PREX1: variants seen among roughly 807,000 people sequenced by gnomAD.
PREX1 encodes the protein phosphatidylinositol-3,4,5-trisphosphate dependent Rac exchange factor 1.
Under a neutral mutation model 198.3 loss-of-function variants are expected in PREX1, and 41 were observed. That is an observed-to-expected ratio of 0.21 (90% CI 0.16 to 0.27). PREX1 has a LOEUF of 0.27. Ranked by LOEUF, PREX1 falls within the 10% of genes least tolerant of loss-of-function variation. The pLI is 1.00. For synonymous variants in PREX1, 843 were observed against 887.2 expected (o/e 0.95, Z 0.89); for missense variants, 1,620 against 2,200.7 (o/e 0.74, Z 5.28).
the PREX1 span, among the ~76,000 whole-genome samples, chr20:48,854,468 G>A: frequency 6.6e-6 from 1 of 152,058 alleles, no homozygotes; most frequent in Non-Finnish European, 1.5e-5. Context: ...GGCTGAGGTG[G>A]GAGGATCACT....
chr20:48,708,242 C>A lies in PREX1; in HGVS notation c.783+18G>T. ...GGCCCCCTGCGGCCCAGGAAGCCCC[C>A]TCCTGTCCTGTACACACCTCCCAGC... On this transcript the variant is annotated intron_variant, in intron 6 of 39. Transcript: ENST00000371941. 6.2e-7 allele frequency: 1 copy of A among 1,613,168 alleles called. No individual in the cohort carries two copies. The highest frequency in any genetic ancestry group is 1.1e-5 in the South Asian group (1 of 91,064).
intron 5 of PREX1, among the ~76,000 whole-genome samples, chr20:48,713,872 A>AAAAAAAAAAAAAAAAAAAG: frequency 6.8e-6 from 1 of 147,724 alleles, no homozygotes; most frequent in Non-Finnish European, 1.5e-5. Flanking sequence ...AAAAAAAAAA[A>AAAAAAAAAAAAAAAAAAAG]AAAAGAAAAT....
intron 30 of PREX1, among the ~76,000 whole-genome samples, chr20:48,638,474 A>T (rs572322074): frequency 4.6e-5 from 7 of 152,362 alleles, no homozygotes; most frequent in African/African-American, 1.7e-4. Context: ...TCCTTAAAAA[A>T]GATGCTCCTC....
chr20:48,821,570 G>GA, intron 1 of PREX1: 1 of 152,306 alleles, frequency 6.6e-6, no homozygotes, highest in Non-Finnish European at 1.5e-5. Flanking sequence ...GTGTCTGTTG[G>GA]AAAAAAAGAA....
chr20:48,634,174 G>GGATGGATGGATGGA (rs1568791973), intron 33 of PREX1, among the ~76,000 whole-genome samples: 4 of 81,884 alleles, frequency 4.9e-5, no homozygotes, highest in East Asian at 2.6e-4. Flanking sequence ...ATGGATGGAT[G>GGATGGATGGATGGA]CATGGATGGA....
chr20:48,797,434 T>C (rs1055575282), intron 1 of PREX1, among the ~76,000 whole-genome samples: 2 of 143,662 alleles, frequency 1.4e-5, no homozygotes, highest in Admixed American at 7.6e-5. Flanking sequence ...CTGGGAACAA[T>C]ATCCCCTTTT....
At position 48,827,281 on chromosome 20, in the gene PREX1, A is replaced by G. The variant is rs1255291588; in HGVS notation, c.219+361T>C. On this transcript the variant is annotated intron_variant, in intron 1 of 39. Transcript: ENST00000371941. This position sits in a 1 kb window ranked among gnomAD's most constrained non-coding sequence, Gnocchi z 4.1. ...GGGCGCGTAGTTATTCCTGGGAAAA[A>G]GACGCAGGAGCGCCAGCTCCCGGCG... 1.3e-5 allele frequency among the ~76,000 whole-genome samples: 2 copies of G among 152,238 alleles called. No individual in the cohort carries two copies. Among genetic ancestry groups the G allele is most frequent in the African/African-American group, 4.8e-5 (2 of 41,466 alleles).
At chr20:48,876,948 A>G in the PREX1 span, among the ~76,000 whole-genome samples, 2 of 151,984 alleles carry the variant, frequency 1.3e-5, no homozygotes, top group Admixed American at 1.3e-4. Context: ...AGTATTAGCA[A>G]CTCAGCTCAA....
At chr20:48,627,087 C>T (rs1236628655) in intron 39 of PREX1, among the ~76,000 whole-genome samples, 4 of 152,094 alleles carry the variant, frequency 2.6e-5, no homozygotes, top group African/African-American at 7.2e-5. Flanking sequence ...CTGTTCAGTT[C>T]GCATTTCTGT....
chr20:48,869,865 G>A, the PREX1 span, among the ~76,000 whole-genome samples: 1 of 152,162 alleles, frequency 6.6e-6, no homozygotes, highest in East Asian at 1.9e-4. Flanking sequence ...TAAGCGGGGA[G>A]AGAGCATTAG....
Position 48,827,490 on chromosome 20 carries a change from G to A in PREX1, c.219+152C>T, listed in dbSNP as rs1019171002. 3.7e-5 allele frequency: 18 copies of A among 490,298 alleles called. No individual in the cohort carries two copies. Among genetic ancestry groups the A allele is most frequent in the Non-Finnish European group, 5.4e-5 (17 of 316,898 alleles). The allele number at this position is 490,298 out of a possible 1,614,324, so 30.4% of individuals were successfully genotyped here. A position where few individuals can be genotyped will look rare whatever the true frequency, so the allele number is the denominator to read the frequency against. ...AGGGAGGCGACGCGACAGCTCTGGAGGAGCTCGGATCCCCCCCGCTTTCCG... is the reference window on the plus strand; with the variant it reads ...AGGGAGGCGACGCGACAGCTCTGGAAGAGCTCGGATCCCCCCCGCTTTCCG... On this transcript the variant is annotated intron_variant, in intron 1 of 39. Transcript: ENST00000371941. The surrounding 1 kb of genome is among the most constrained non-coding windows in gnomAD (Gnocchi z 4.1).
chr20:48,636,627 C>T lies in PREX1; in HGVS notation c.4003G>A (p.Val1335Met), dbSNP rs1488076438. ...AGCAGCTGCTTGGAGAAGGTGCACA[C>T]GGCGGCCACCAGGGCCTGGCAGAAG... is the stretch of plus-strand genomic sequence containing the variant. ...AIFCQALVAA[V>M]CTFSKQLLAA... Residue 1335 changes from valine (V) to methionine (M), a missense_variant, in exon 32 of 40, where the codon GTG (valine) becomes ATG (methionine). Val to Met is a conservative substitution (Grantham distance 21). Around this residue, in one of 7 missense-constraint regions of PREX1, gnomAD observed 476 missense variants for 603.4 expected, o/e 0.79. Transcript: ENST00000371941. The T allele has an allele frequency of 3.7e-6, 6 of 1,611,156 alleles. No homozygotes were observed. Among genetic ancestry groups the T allele is most frequent in the Admixed American group, 1.7e-5 (1 of 59,904 alleles).
intron 14 of PREX1, among the ~76,000 whole-genome samples, chr20:48,670,856 C>G (rs1477100578): frequency 6.6e-6 from 1 of 152,208 alleles, no homozygotes; most frequent in Non-Finnish European, 1.5e-5. Context: ...ATCCTGGTGG[C>G]TGTGTGCCCT....
intron 1 of PREX1, among the ~76,000 whole-genome samples, chr20:48,807,066 A>T (rs2090414940): frequency 6.6e-6 from 1 of 152,234 alleles, no homozygotes; most frequent in South Asian, 2.1e-4. Flanking sequence ...CATGAGGGAA[A>T]AGACAACTGG....
Position 48,672,040 on chromosome 20 carries a change from C to T in PREX1, c.1665+4153G>A, listed in dbSNP as rs111238376. Among the ~76,000 whole-genome samples, 14 of 152,322 alleles carry T rather than the reference C, an allele frequency of 9.2e-5. 1 individual carries two copies. Among genetic ancestry groups the T allele is most frequent in the African/African-American group, 3.1e-4 (13 of 41,564 alleles). ...CAAGCTACTCCAAGGGGCCTCTGGC[C>T]GAGCCCACAACTCCTCGGCCAGCAC... On this transcript the variant is annotated intron_variant, in intron 14 of 39. Transcript: ENST00000371941.
At chr20:48,743,971 C>A (rs185670792) in intron 3 of PREX1, among the ~76,000 whole-genome samples, 1 of 151,798 alleles carries the variant, frequency 6.6e-6, no homozygotes, top group East Asian at 1.9e-4. Flanking sequence ...CAGATGTGAT[C>A]CCTTGGAGAA....
chr20:48,743,274 A>C (rs1398122878), intron 3 of PREX1, among the ~76,000 whole-genome samples: 1 of 152,178 alleles, frequency 6.6e-6, no homozygotes, highest in Non-Finnish European at 1.5e-5. Flanking sequence ...GTCTCCTCTG[A>C]ACCCAAAGGA....
intron 4 of PREX1, 53 bp downstream of exon 4, chr20:48,734,493 C>T: frequency 6.7e-7 from 1 of 1,500,542 alleles, no homozygotes; most frequent in Non-Finnish European, 9.3e-7. Flanking sequence ...GCCCAGATTC[C>T]ACAAGGATGA....
chr20:48,733,689 T>TCTGTTGTTGTTGCTG (rs994277416), intron 4 of PREX1, among the ~76,000 whole-genome samples: 5 of 19,810 alleles, frequency 2.5e-4, no homozygotes, highest in African/African-American at 8.6e-4. Context: ...AGTAAATCCC[T>TCTGTTGTTGTTGCTG]CTGTTGTTGT....
Sources: allele counts gnomAD v4.1 joint callset (sites outside exome capture counted in the v4.1 genomes callset), GRCh38; gene constraint gnomAD v4.1.1; regional missense constraint gnomAD v4.1.1; non-coding constraint Gnocchi (gnomAD v3.1); transcripts MANE v1.5; gene names NCBI Gene and HGNC (gene_info 2026-07-23, HGNC 2026-07-21).